HACD4: variants seen among roughly 807,000 people sequenced by gnomAD.
The protein encoded by HACD4 is very-long-chain (3R)-3-hydroxyacyl-CoA dehydratase 4.
In HACD4, 35 loss-of-function variants were observed where a neutral mutation model predicts 33.3. The ratio of observed to expected loss-of-function variants is 1.05; its 90% confidence interval spans 0.80 to 1.39. The LOEUF (loss-of-function observed/expected upper bound fraction) is 1.39, where lower values mean the gene tolerates loss of function less well. HACD4 is among the 40% of genes most tolerant of loss of function. HACD4 has a pLI of 0.00. For missense variants in HACD4, 323 were observed against 276.5 expected (o/e 1.17, Z -1.19); for synonymous variants, 118 against 98.0 (o/e 1.20, Z -1.21).
Position 21,003,131 on chromosome 9 carries a change from C to T in HACD4, c.*3906G>A, listed in dbSNP as rs1842192606. The T allele has an allele frequency of 6.6e-6, 1 of 152,070 alleles. No individual in the cohort carries two copies. The highest frequency in any genetic ancestry group is 1.5e-5 in the Non-Finnish European group (1 of 67,982). 9.4% of individuals were successfully genotyped at this position (152,070 alleles called of 1,614,324 possible). A position where few individuals can be genotyped will look rare whatever the true frequency, so the allele number is the denominator to read the frequency against. On this transcript the variant is annotated 3_prime_UTR_variant, in exon 7 of 7. Transcript: ENST00000495827. ...GGAAATGTAAGATCTTTTTATGTTACAATTGTTGCAGATATCTCAAATTAC... is the reference window on the plus strand; with the variant it reads ...GGAAATGTAAGATCTTTTTATGTTATAATTGTTGCAGATATCTCAAATTAC...
rs998101416 is a variant in HACD4, at chr9:21,004,457, G to A, written c.*2580C>T. ...TTGAAAATCTAATCTCCAGTGTGATGGCATTTGAAGCTGGAACCTTCATAA... is the reference window on the plus strand; with the variant it reads ...TTGAAAATCTAATCTCCAGTGTGATAGCATTTGAAGCTGGAACCTTCATAA... On this transcript the variant is annotated 3_prime_UTR_variant, in exon 7 of 7. Transcript: ENST00000495827. This position sits in a 1 kb window ranked among gnomAD's most constrained non-coding sequence, Gnocchi z 4.6. 2 of 152,180 alleles carry A rather than the reference G, an allele frequency of 1.3e-5. No individual in the cohort carries two copies. The highest frequency in any genetic ancestry group is 2.4e-5 in the African/African-American group (1 of 41,436). 9.4% of individuals were successfully genotyped at this position (152,180 alleles called of 1,614,324 possible).
chr9:21,021,406 G>A (rs925393576), intron 3 of HACD4, among the ~76,000 whole-genome samples: 1 of 152,162 alleles, frequency 6.6e-6, no homozygotes, highest in African/African-American at 2.4e-5. Flanking sequence ...AGGAAATAAA[G>A]GGTATTCAAT....
At chr9:21,029,022 T>C (rs754642615) in intron 2 of HACD4, among the ~76,000 whole-genome samples, 34 of 152,290 alleles carry the variant, frequency 2.2e-4, no homozygotes, top group South Asian at 6.2e-4. Flanking sequence ...TGGTACAGAA[T>C]GGAAAAGGAA....
Position 21,004,532 on chromosome 9 carries a change from C to T in HACD4, c.*2505G>A, listed in dbSNP as rs1842224135. ...GAAATAAGGGAGAGATGGTTTCTCC[C>T]TCCACCATGTGAACATATAGCAAGA... On this transcript the variant is annotated 3_prime_UTR_variant, in exon 7 of 7. Coordinates refer to ENST00000495827, the MANE Select transcript of HACD4 (RefSeq NM_001010915.5). This position sits in a 1 kb window ranked among gnomAD's most constrained non-coding sequence, Gnocchi z 4.6. The T allele has an allele frequency of 6.6e-6, 1 of 152,120 alleles. No homozygotes were observed. The highest frequency in any genetic ancestry group is 1.5e-5 in the Non-Finnish European group (1 of 68,026). The allele number at this position is 152,120 out of a possible 1,614,324, so 9.4% of individuals were successfully genotyped here. A position where few individuals can be genotyped will look rare whatever the true frequency, so the allele number is the denominator to read the frequency against.
rs2132757099 is a variant in HACD4, at chr9:21,000,698, A to G, written c.*6339T>C. 1 of 152,300 alleles carries G rather than the reference A, an allele frequency of 6.6e-6. No homozygotes were observed. Among genetic ancestry groups the G allele is most frequent in the East Asian group, 1.9e-4 (1 of 5,188 alleles). The allele number at this position is 152,300 out of a possible 1,614,324, so 9.4% of individuals were successfully genotyped here. ...ACGGGAAACATTATAATTATTAAAA[A>G]GCAGTAATAAACAAGTGGAAGATAG... On this transcript the variant is annotated 3_prime_UTR_variant, in exon 7 of 7. Transcript: ENST00000495827.
intron 2 of HACD4, 51 bp from the exon 3 acceptor site, chr9:21,026,774 T>A: frequency 6.7e-7 from 1 of 1,501,418 alleles, no homozygotes; most frequent in Non-Finnish European, 9.2e-7. Context: ...AACTGGATTA[T>A]AACCCAAATT....
intron 3 of HACD4, among the ~76,000 whole-genome samples, chr9:21,019,656 C>G (rs1182916627): frequency 6.6e-6 from 1 of 152,008 alleles, no homozygotes; most frequent in Non-Finnish European, 1.5e-5. Flanking sequence ...TAGCTTTATA[C>G]TTATCACACA....
rs115211100 is a variant in HACD4 at position 21,007,608 on chromosome 9, C to T, written c.616+413G>A. ...ATTTCTCTTGAGTCTGTAACACCGA[C>T]TCCCATTTGCCTGATAGGAAGTGCC... On this transcript the variant is annotated intron_variant, in intron 6 of 6. Transcript: ENST00000495827. Among the ~76,000 whole-genome samples the T allele has an allele frequency of 8.1e-3, 1,236 of 152,264 alleles. 15 individuals are homozygous for T. Among genetic ancestry groups the T allele is most frequent in the African/African-American group, 0.028 (1,171 of 41,570 alleles).
intron 3 of HACD4, among the ~76,000 whole-genome samples, chr9:21,020,156 T>C (rs1352889802): frequency 3.3e-5 from 5 of 152,050 alleles, no homozygotes; most frequent in Non-Finnish European, 5.9e-5. Flanking sequence ...GGAGTATTAG[T>C]TTTTAGTGTT....
chr9:21,030,605 C>A (rs1413998169), intron 1 of HACD4, among the ~76,000 whole-genome samples: 1 of 152,104 alleles, frequency 6.6e-6, no homozygotes, highest in Non-Finnish European at 1.5e-5. Context: ...TGGGAGTAAT[C>A]CAAATGTTGG....
chr9:21,029,443 T>A, intron 1 of HACD4, 45 bp from the exon 2 acceptor site: 1 of 1,230,066 alleles, frequency 8.1e-7, no homozygotes, highest in Middle Eastern at 1.9e-4. Flanking sequence ...TTTATAATCA[T>A]CCTTTCATCA....
chr9:21,029,372 A>G lies in HACD4; in HGVS notation c.65T>C (p.Ile22Thr). The G allele has an allele frequency of 6.3e-7, 1 of 1,590,922 alleles. No homozygotes were observed. Among genetic ancestry groups the G allele is most frequent in the East Asian group, 2.2e-5 (1 of 44,706 alleles). The change falls in exon 2 of 7, where the codon ATC (isoleucine) becomes ACC (threonine). Residue 22 changes from isoleucine (I) to threonine (T), a missense_variant. Transcript: ENST00000495827. Reference protein sequence around the residue: ...PRYRKNAYLFIYYLIQFCGHS... With the variant: ...PRYRKNAYLFTYYLIQFCGHS... The stretch of plus-strand genomic sequence containing the variant: ...GCCACAGAACTGGATTAAGTAATAG[A>G]TGAAAAGATACGCATTCTTCCTATA...
At chr9:21,019,172 C>T (rs1046838816) in intron 3 of HACD4, among the ~76,000 whole-genome samples, 1 of 152,030 alleles carries the variant, frequency 6.6e-6, no homozygotes, top group Non-Finnish European at 1.5e-5. Context: ...GTGCACTGTT[C>T]TGGGTCCCAA....
chr9:21,031,498 C>T (rs957830170), intron 1 of HACD4, 55 bp downstream of exon 1: 67 of 1,443,346 alleles, frequency 4.6e-5, no homozygotes, highest in Non-Finnish European at 6.1e-5. Flanking sequence ...GGAGCTCCCG[C>T]CTCCAGGCCC....
chr9:21,024,691 A>G (rs1564279833), intron 3 of HACD4, among the ~76,000 whole-genome samples: 1 of 152,216 alleles, frequency 6.6e-6, no homozygotes, highest in Non-Finnish European at 1.5e-5. Flanking sequence ...TTAAAAAATT[A>G]TCTATTCCCT....
At chr9:21,022,559 G>T (rs577853990) in intron 3 of HACD4, among the ~76,000 whole-genome samples, 2 of 152,070 alleles carry the variant, frequency 1.3e-5, no homozygotes, top group Non-Finnish European at 2.9e-5. Flanking sequence ...GTGGGCAAAG[G>T]ATATGAACAG....
intron 3 of HACD4, among the ~76,000 whole-genome samples, chr9:21,022,857 C>T (rs548070839): frequency 1.3e-5 from 2 of 151,980 alleles, no homozygotes; most frequent in African/African-American, 4.8e-5. Context: ...ACCCAGCCAT[C>T]CCATTACTGG....
At chr9:21,012,570 T>C (rs1842462301) in intron 4 of HACD4, among the ~76,000 whole-genome samples, 1 of 152,198 alleles carries the variant, frequency 6.6e-6, no homozygotes, top group Non-Finnish European at 1.5e-5. Context: ...GTCAGTTTCT[T>C]AGGTATTCTT....
At chr9:21,028,476 A>G (rs1328334703) in intron 2 of HACD4, among the ~76,000 whole-genome samples, 1 of 152,374 alleles carries the variant, frequency 6.6e-6, no homozygotes, top group African/African-American at 2.4e-5. Flanking sequence ...TTTCAGTAAG[A>G]AAAAGCAACA....
Sources: allele counts gnomAD v4.1 joint callset (sites outside exome capture counted in the v4.1 genomes callset), GRCh38; gene constraint gnomAD v4.1.1; non-coding constraint Gnocchi (gnomAD v3.1); transcripts MANE v1.5; gene names NCBI Gene and HGNC (gene_info 2026-07-23, HGNC 2026-07-21).